CAMKMT: variants seen among roughly 807,000 people sequenced by gnomAD.
The protein encoded by CAMKMT is calmodulin-lysine N-methyltransferase.
CAMKMT carries 53 observed loss-of-function variants against 48.0 expected under a neutral mutation model. The ratio of observed to expected loss-of-function variants is 1.10; its 90% confidence interval spans 0.89 to 1.39. The LOEUF is 1.39. CAMKMT is among the 40% of genes most tolerant of loss of function. CAMKMT has a pLI of 0.00. For missense variants in CAMKMT, 428 were observed against 402.7 expected, an observed-to-expected ratio of 1.06 and a Z score of -0.54; for synonymous variants, 165 against 152.3, an observed-to-expected ratio of 1.08 and a Z score of -0.61.
At chr2:44,633,198 T>C (rs1434160701) in intron 3 of CAMKMT, among the ~76,000 whole-genome samples, 1 of 152,176 alleles carries the variant, frequency 6.6e-6, no homozygotes, top group Non-Finnish European at 1.5e-5. Flanking sequence ...GGAGTGGTGA[T>C]TATAAAAAAG....
chr2:44,610,118 A>G (rs1234067304), intron 3 of CAMKMT, among the ~76,000 whole-genome samples: 1 of 152,180 alleles, frequency 6.6e-6, no homozygotes, highest in Non-Finnish European at 1.5e-5. Context: ...AAGAGGCTAC[A>G]TTTCTGAATA....
At chr2:44,432,839 A>G (rs1006543389) in intron 3 of CAMKMT, among the ~76,000 whole-genome samples, 1 of 152,004 alleles carries the variant, frequency 6.6e-6, no homozygotes, top group African/African-American at 2.4e-5. Context: ...AAAAAAAAAA[A>G]ACATATGCTT....
At chr2:44,485,622 C>G (rs1669179175) in intron 3 of CAMKMT, among the ~76,000 whole-genome samples, 1 of 152,118 alleles carries the variant, frequency 6.6e-6, no homozygotes, top group African/African-American at 2.4e-5. Context: ...ACAAACCTCT[C>G]CAGCATGTTA....
chr2:44,389,080 T>C (rs1007164193), intron 2 of CAMKMT, among the ~76,000 whole-genome samples: 1 of 152,118 alleles, frequency 6.6e-6, no homozygotes, highest in Non-Finnish European at 1.5e-5. Flanking sequence ...CAAGAGTATA[T>C]GCCCTTTGTC....
intron 7 of CAMKMT, among the ~76,000 whole-genome samples, chr2:44,730,712 G>T (rs1384649385): frequency 6.6e-6 from 1 of 152,182 alleles, no homozygotes; most frequent in Non-Finnish European, 1.5e-5. Flanking sequence ...GTGGCAAATA[G>T]GAAATCATTT....
At chr2:44,673,420 C>A (rs981087832) in intron 3 of CAMKMT, among the ~76,000 whole-genome samples, 1 of 127,842 alleles carries the variant, frequency 7.8e-6, no homozygotes, top group Non-Finnish European at 1.6e-5. Flanking sequence ...CAGAATGAGA[C>A]CCTGTTTAAA....
At chr2:44,517,376 C>T (rs1179653718) in intron 3 of CAMKMT, among the ~76,000 whole-genome samples, 7 of 152,142 alleles carry the variant, frequency 4.6e-5, no homozygotes, top group Non-Finnish European at 8.8e-5. Context: ...AGGTAAAATA[C>T]AGCAATAATT....
At chr2:44,719,705 C>T (rs1678358639) in intron 7 of CAMKMT, among the ~76,000 whole-genome samples, 1 of 152,148 alleles carries the variant, frequency 6.6e-6, no homozygotes, top group African/African-American at 2.4e-5. Flanking sequence ...ATCAGACATC[C>T]ATTTCTACAT....
At chr2:44,414,084 C>G (rs1444064324) in intron 3 of CAMKMT, among the ~76,000 whole-genome samples, 1 of 152,094 alleles carries the variant, frequency 6.6e-6, no homozygotes, top group Non-Finnish European at 1.5e-5. Context: ...ATACCCTCTC[C>G]CAAACCTGTC....
Position 44,667,034 on chromosome 2 carries a change from A to G in CAMKMT, c.377-37249A>G, listed in dbSNP as rs557938615. 4.6e-5 allele frequency among the ~76,000 whole-genome samples: 7 copies of G among 152,358 alleles called. No individual in the cohort carries two copies. In the East Asian group the frequency reaches 9.6e-4, roughly 21 times the overall value. The stretch of plus-strand genomic sequence containing the variant: ...CTGGTCATATATTGAATCTAAAGAT[A>G]TAGCCATACTCATCTAGGGATTTGA... On this transcript the variant is annotated intron_variant, in intron 3 of 10. Transcript: ENST00000378494.
intron 3 of CAMKMT, among the ~76,000 whole-genome samples, chr2:44,567,312 G>A (rs1220937649): frequency 8.5e-5 from 13 of 152,068 alleles, no homozygotes; most frequent in African/African-American, 2.6e-4. Context: ...AGTCAGTGGC[G>A]TATTAAAATG....
At chr2:44,688,699 A>C (rs1676472410) in intron 3 of CAMKMT, among the ~76,000 whole-genome samples, 1 of 152,134 alleles carries the variant, frequency 6.6e-6, no homozygotes, top group Non-Finnish European at 1.5e-5. Flanking sequence ...AAGGGGAGGC[A>C]GTTCTCCTCC....
intron 3 of CAMKMT, among the ~76,000 whole-genome samples, chr2:44,479,619 G>C (rs2104677312): frequency 6.6e-6 from 1 of 152,298 alleles, no homozygotes; most frequent in African/African-American, 2.4e-5. Context: ...TTGTTGTTCA[G>C]ATCCTATAGG....
intron 2 of CAMKMT, among the ~76,000 whole-genome samples, chr2:44,377,188 G>T (rs1447357264): frequency 6.6e-6 from 1 of 151,928 alleles, no homozygotes; most frequent in Non-Finnish European, 1.5e-5. Context: ...TGTATATTTT[G>T]TAGAGATGGG....
chr2:44,600,104 C>G (rs1670895559), intron 3 of CAMKMT, among the ~76,000 whole-genome samples: 1 of 151,912 alleles, frequency 6.6e-6, no homozygotes, highest in South Asian at 2.1e-4. Flanking sequence ...TTTCTGTATT[C>G]TGAAATTTAC....
At chr2:44,366,476 C>T (rs967415777) in intron 1 of CAMKMT, among the ~76,000 whole-genome samples, 2 of 152,044 alleles carry the variant, frequency 1.3e-5, no homozygotes, top group South Asian at 4.1e-4. Context: ...TAAATGTTAT[C>T]TTGTTGTATT....
intron 3 of CAMKMT, among the ~76,000 whole-genome samples, chr2:44,445,366 G>A (rs1666918577): frequency 1.3e-5 from 2 of 152,090 alleles, no homozygotes; most frequent in African/African-American, 4.8e-5. Flanking sequence ...AAGGGAACCA[G>A]GGATGCCTGC....
chr2:44,654,003 TTTAA>T (rs1412442569), intron 3 of CAMKMT, among the ~76,000 whole-genome samples: 1 of 152,228 alleles, frequency 6.6e-6, no homozygotes, highest in Non-Finnish European at 1.5e-5. Context: ...TGCCGTGTAT[TTTAA>T]TTGACTCTGG....
intron 2 of CAMKMT, among the ~76,000 whole-genome samples, chr2:44,380,356 A>G (rs1192050882): frequency 6.6e-6 from 1 of 152,132 alleles, no homozygotes; most frequent in East Asian, 1.9e-4. Context: ...TGTTGGCAAA[A>G]AATCGTAGTT....
Sources: gnomAD v4.1 joint callset for allele counts (sites outside exome capture counted in the v4.1 genomes callset) on GRCh38, gnomAD v4.1.1 for gene constraint, MANE v1.5 for transcripts, NCBI Gene and HGNC (gene_info 2026-07-23, HGNC 2026-07-21) for gene names.